ABCA6: variants seen among roughly 807,000 people sequenced by gnomAD.
ABCA6 encodes the protein ATP binding cassette subfamily A member 6.
ABCA6 carries 164 observed loss-of-function variants against 191.2 expected under a neutral mutation model. The ratio of observed to expected loss-of-function variants is 0.86; its 90% CI spans 0.76 to 0.98. ABCA6 has a LOEUF of 0.98. Ranked by LOEUF, ABCA6 falls within the 50% of genes least tolerant of loss-of-function variation. The probability of loss-of-function intolerance (pLI) is 0.00; values close to 1 mark genes in which losing one functional copy is unlikely to be tolerated. For missense variants in ABCA6, 1,958 were observed against 1,894.1 expected (o/e 1.03, Z -0.63); for synonymous variants, 636 against 647.7 (o/e 0.98, Z 0.27).
intron 11 of ABCA6, among the ~76,000 whole-genome samples, chr17:69,117,430 T>A (rs1166671144): frequency 1.3e-5 from 2 of 152,080 alleles, no homozygotes; most frequent in African/African-American, 4.8e-5. Flanking sequence ...CAAAATGTGT[T>A]TTTTCATTTC....
intron 28 of ABCA6, chr17:69,087,693 T>C: frequency 1.7e-6 from 1 of 579,598 alleles, no homozygotes; most frequent in Non-Finnish European, 3.0e-6. Flanking sequence ...TAAGAATCTT[T>C]GACCCTTTCA....
chr17:69,140,812 C>G (rs1436998895), intron 1 of ABCA6, 64 bp from the exon 2 acceptor site: 4 of 507,954 alleles, frequency 7.9e-6, no homozygotes, highest in Non-Finnish European at 1.3e-5. Flanking sequence ...TATTTACTAC[C>G]TTTAAAAAGT....
In ABCA6 at chr17:69,124,995, G is replaced by A; in HGVS notation, c.1160C>T (p.Pro387Leu). ...LDYNLNGVIF[P>L]DPSGDSYTMI... ...TGTATATGAGTCTCCTGAAGGGTCAGGAAAAATTACACCATTCAAGTTATA... is the reference window on the plus strand; with the variant it reads ...TGTATATGAGTCTCCTGAAGGGTCAAGAAAAATTACACCATTCAAGTTATA... Residue 387 changes from proline (P) to leucine (L), a missense_variant, in exon 9 of 39, where the codon CCT (proline) becomes CTT (leucine). Pro to Leu is a moderately conservative substitution (Grantham distance 98, BLOSUM62 -3). Coordinates refer to ENST00000284425, the MANE Select transcript of ABCA6 (RefSeq NM_080284.3). 2 of 1,491,014 alleles carry A rather than the reference G, an allele frequency of 1.3e-6. No individual in the cohort carries two copies. The highest frequency in any genetic ancestry group is 1.8e-6 in the Non-Finnish European group (2 of 1,111,206). The allele number at this position is 1,491,014 out of a possible 1,614,324, so 92.4% of individuals were successfully genotyped here.
Position 69,082,883 on chromosome 17 carries a change from C to T in ABCA6, c.4606G>A (p.Gly1536Arg). 6.2e-7 allele frequency: 1 copy of T among 1,614,208 alleles called. No individual in the cohort carries two copies. Among genetic ancestry groups the T allele is most frequent in the Non-Finnish European group, 8.5e-7 (1 of 1,180,014 alleles). ...EILKLFPQAA[G>R]QERYSSLLTY... Reference sequence around the variant, plus strand: ...AAAAGCCCGTCTCACCTTTCCTGCCCTGCAGCCTGTGGGAAAAGCTTCAGA... The same window carrying T: ...AAAAGCCCGTCTCACCTTTCCTGCCTTGCAGCCTGTGGGAAAAGCTTCAGA... The change falls in exon 36 of 39, where the codon GGG becomes AGG. Residue 1536 changes from glycine (G) to arginine (R), a missense_variant. Transcript: ENST00000284425.
chr17:69,140,003 C>T (rs868281151), intron 2 of ABCA6, among the ~76,000 whole-genome samples: 15 of 150,476 alleles, frequency 1.0e-4, no homozygotes, highest in African/African-American at 2.0e-4. Context: ...TGCTAAATGG[C>T]GAGTTAATGG....
intron 6 of ABCA6, among the ~76,000 whole-genome samples, 177 bp downstream of exon 6, chr17:69,133,464 C>T (rs2073898970): frequency 6.6e-6 from 1 of 152,172 alleles, no homozygotes; most frequent in Non-Finnish European, 1.5e-5. Context: ...GTGCTCAGCA[C>T]ATTATAAGCA....
At chr17:69,090,999 C>A in intron 26 of ABCA6, 144 bp downstream of exon 26, 1 of 770,950 alleles carries the variant, frequency 1.3e-6, no homozygotes, top group South Asian at 2.1e-5. Flanking sequence ...CCCTTTTGAA[C>A]ATTTTCATCA....
chr17:69,107,318 G>T (rs2144661161), intron 18 of ABCA6, among the ~76,000 whole-genome samples: 1 of 152,246 alleles, frequency 6.6e-6, no homozygotes, highest in South Asian at 2.1e-4. Flanking sequence ...AGTGGATACT[G>T]AGAATTCTCC....
At chr17:69,121,951 T>C (rs1009386882) in intron 10 of ABCA6, among the ~76,000 whole-genome samples, 1 of 151,858 alleles carries the variant, frequency 6.6e-6, no homozygotes, top group Non-Finnish European at 1.5e-5. Context: ...AAACGGAAAA[T>C]TGGTTAAGAA....
intron 26 of ABCA6, 152 bp downstream of exon 26, chr17:69,090,991 C>T: frequency 1.4e-6 from 1 of 722,586 alleles, no homozygotes; most frequent in East Asian, 2.9e-5. Context: ...CACGATTCCC[C>T]TTTTGAACAT....
intron 36 of ABCA6, among the ~76,000 whole-genome samples, chr17:69,082,148 G>A (rs1412678856): frequency 1.3e-5 from 2 of 152,026 alleles, no homozygotes; most frequent in African/African-American, 4.8e-5. Context: ...TCTGGGAATG[G>A]GACAAAGTTA....
intron 20 of ABCA6, 63 bp downstream of exon 20, chr17:69,105,399 T>C: frequency 8.0e-7 from 1 of 1,256,114 alleles, no homozygotes; most frequent in South Asian, 1.4e-5. Flanking sequence ...CCCCCCCACC[T>C]CCTGTGCTAT....
Position 69,131,623 on chromosome 17 carries a change from A to C in ABCA6, c.792-1872T>G, listed in dbSNP as rs74369805. On this transcript the variant is annotated intron_variant, in intron 6 of 38. Transcript: ENST00000284425. Reference sequence around the variant, plus strand: ...ATACTTAAAGAATAAATACTGATTAAATTTCACATTTATTACATTGGTAAA... The same window carrying C: ...ATACTTAAAGAATAAATACTGATTACATTTCACATTTATTACATTGGTAAA... Among the ~76,000 whole-genome samples the C allele has an allele frequency of 9.0e-3, 1,373 of 152,330 alleles. 12 individuals carry two copies. Among genetic ancestry groups the C allele is most frequent in the African/African-American group, 0.03 (1,262 of 41,558 alleles).
At chr17:69,105,219 TA>T (rs2073269353) in intron 20 of ABCA6, 1 of 445,618 alleles carries the variant, frequency 2.2e-6, no homozygotes, top group Non-Finnish European at 3.9e-6. Flanking sequence ...GGTAGTCAGG[TA>T]GAGAGACGTC....
intron 17 of ABCA6, chr17:69,108,784 T>C (rs2073358887): frequency 6.6e-6 from 1 of 152,166 alleles, no homozygotes; most frequent in Admixed American, 6.5e-5. Flanking sequence ...ATGGCAGCAA[T>C]GGACCTGGGA....
rs771400312 is a variant in ABCA6 at position 69,140,743 on chromosome 17, C to G, written c.-40G>C. ...GAAGGAGAAAGTAATCATGGTGGAA[C>G]ACAACCTAGAAAAAAATAAGTGTAA... On this transcript the variant is annotated 5_prime_UTR_variant, in exon 2 of 39. Transcript: ENST00000284425. 5 of 1,367,106 alleles carry G rather than the reference C, an allele frequency of 3.7e-6. No individual in the cohort carries two copies. Among genetic ancestry groups the G allele is most frequent in the South Asian group, 3.1e-5 (2 of 65,348 alleles). The allele number at this position is 1,367,106 out of a possible 1,614,324, so 84.7% of individuals were successfully genotyped here.
chr17:69,115,579 G>T, intron 11 of ABCA6, 93 bp from the exon 12 acceptor site: 1 of 756,516 alleles, frequency 1.3e-6, no homozygotes, highest in Non-Finnish European at 2.1e-6. Context: ...AGGCTATTTA[G>T]TTTAGTGGCA....
At position 69,112,241 on chromosome 17, in the gene ABCA6, T is replaced by G. The variant is rs762052907; in HGVS notation, c.2074A>C (p.Lys692Gln). ...RKVIMSNGRLKCAGSSMFLKR... is the reference protein window; with the variant it reads ...RKVIMSNGRLQCAGSSMFLKR... ...AAAAACATAGAAGAACCTGCACACT[T>G]CAGTCTCCCATTGGACATGATCACT... The change falls in exon 16 of 39, where the codon AAG (lysine) becomes CAG (glutamine). Residue 692 changes from lysine to glutamine, a missense_variant. Lys to Gln is a moderately conservative substitution (Grantham distance 53). Transcript: ENST00000284425. 1 of 1,612,572 alleles carries G rather than the reference T, an allele frequency of 6.2e-7. No homozygotes were observed. Among genetic ancestry groups the G allele is most frequent in the Non-Finnish European group, 8.5e-7 (1 of 1,179,046 alleles).
At chr17:69,111,805 C>G (rs2073428704) in intron 16 of ABCA6, 1 of 169,536 alleles carries the variant, frequency 5.9e-6, no homozygotes, top group Non-Finnish European at 1.3e-5. Flanking sequence ...CTTGTTGATA[C>G]TGGCTTCTGA....
Sources: gnomAD v4.1 joint callset for allele counts (sites outside exome capture counted in the v4.1 genomes callset) on GRCh38, gnomAD v4.1.1 for gene constraint, MANE v1.5 for transcripts, NCBI Gene and HGNC (gene_info 2026-07-23, HGNC 2026-07-21) for gene names.